The following IFNAR2 variants were observed in gnomAD, a reference collection of about 807,000 sequenced individuals.
The protein encoded by IFNAR2 is interferon alpha/beta receptor 2.
In IFNAR2, 30 loss-of-function variants were observed where a neutral mutation model predicts 49.4. That is an observed-to-expected ratio of 0.61 (90% CI 0.45 to 0.82). IFNAR2 has a LOEUF of 0.82. IFNAR2 is among the 40% of genes least tolerant of loss of function. The probability of loss-of-function intolerance (pLI) is 0.00; values close to 1 mark genes in which losing one functional copy is unlikely to be tolerated. For missense variants in IFNAR2, 600 were observed against 622.7 expected, an observed-to-expected ratio of 0.96 and a Z score of 0.39; for synonymous variants, 224 against 234.5, an observed-to-expected ratio of 0.96 and a Z score of 0.41.
At position 33,254,676 on chromosome 21, in the gene IFNAR2, T is replaced by A. The variant is rs544131170; in HGVS notation, c.709+1846T>A. On this transcript the variant is annotated intron_variant, in intron 7 of 8. Transcript: ENST00000342136. The stretch of plus-strand genomic sequence containing the variant: ...ATGCTTCCTTTTATTAATTCCAAGT[T>A]TTTAATCAGAAAATCTTTGAATCTA... Among the ~76,000 whole-genome samples, 4 of 152,296 alleles carry A rather than the reference T, an allele frequency of 2.6e-5. No individual in the cohort carries two copies. In the South Asian group the frequency reaches 8.3e-4, roughly 32 times the overall value.
rs1988841241 is a variant in IFNAR2 at position 33,264,396 on chromosome 21, T to C, written c.*896T>C. ...CTCCTGCAATTGGAATTCCACCTTG[T>C]CCAGCCCTCCCCAGTTAAAGTGGGG... On this transcript the variant is annotated 3_prime_UTR_variant, in exon 9 of 9. Transcript: ENST00000342136. The C allele has an allele frequency of 6.6e-6, 1 of 151,844 alleles. No individual in the cohort carries two copies. The highest frequency in any genetic ancestry group is 2.4e-5 in the African/African-American group (1 of 41,290). The allele number at this position is 151,844 out of a possible 1,614,324, so 9.4% of individuals were successfully genotyped here. A position where few individuals can be genotyped will look rare whatever the true frequency, so the allele number is the denominator to read the frequency against.
intron 4 of IFNAR2, among the ~76,000 whole-genome samples, chr21:33,246,321 T>C (rs1037535689): frequency 8.5e-5 from 13 of 152,106 alleles, no homozygotes; most frequent in African/African-American, 2.2e-4. Flanking sequence ...CCGCCCGCCT[T>C]GGCCTCCCAA....
rs533367043 is a variant in IFNAR2, at chr21:33,232,290, G to A, written c.-84+2074G>A. ...CTTCCTTTGGAAGAATGAAACTGGG[G>A]GCTATGCAATTCAGGGAAGAATAAA... is the stretch of plus-strand genomic sequence containing the variant. On this transcript the variant is annotated intron_variant, in intron 1 of 8. Transcript: ENST00000342136. 3.3e-5 allele frequency among the ~76,000 whole-genome samples: 5 copies of A among 152,280 alleles called. No homozygotes were observed. In the South Asian group the frequency reaches 1.0e-3, roughly 32 times the overall value.
chr21:33,237,697 G>T (rs1309053869), intron 1 of IFNAR2, among the ~76,000 whole-genome samples: 1 of 152,104 alleles, frequency 6.6e-6, no homozygotes, highest in Non-Finnish European at 1.5e-5. Flanking sequence ...TATGGGATTA[G>T]TTCCAGGCAG....
chr21:33,260,840 C>A, intron 8 of IFNAR2, 113 bp downstream of exon 8: 1 of 620,480 alleles, frequency 1.6e-6, no homozygotes, highest in South Asian at 3.1e-5. Context: ...TTTCTATAAA[C>A]ACCAAAATGC....
In IFNAR2 at chr21:33,252,670, C is replaced by G. The variant is rs575467131; in HGVS notation, c.549C>G (p.Pro183=). ...TTTGCTTATGTTTACAGCATAAACC[C>G]GAAATAAAAGGAAACATGAGTGGAA... ...QSEGIVKKHK[P]EIKGNMSGNF... Residue 183 remains proline, a synonymous_variant, in exon 7 of 9, where the codon CCC becomes CCG. Coordinates refer to ENST00000342136, the MANE Select transcript of IFNAR2 (RefSeq NM_001289125.3). 6.2e-7 allele frequency: 1 copy of G among 1,612,904 alleles called. No individual in the cohort carries two copies. Among genetic ancestry groups the G allele is most frequent in the Non-Finnish European group, 8.5e-7 (1 of 1,179,612 alleles).
chr21:33,264,417 T>G lies in IFNAR2; in HGVS notation c.*917T>G, dbSNP rs1250935127. 1 of 150,768 alleles carries G rather than the reference T, an allele frequency of 6.6e-6. No individual in the cohort carries two copies. The highest frequency in any genetic ancestry group is 2.1e-4 in the South Asian group (1 of 4,740). 9.3% of individuals were successfully genotyped at this position (150,768 alleles called of 1,614,324 possible). A position where few individuals can be genotyped will look rare whatever the true frequency, so the allele number is the denominator to read the frequency against. ...CTTGTCCAGCCCTCCCCAGTTAAAG[T>G]GGGGAAGACAGACTTTAGGATCACG... is the stretch of plus-strand genomic sequence containing the variant. On this transcript the variant is annotated 3_prime_UTR_variant, in exon 9 of 9. Coordinates refer to ENST00000342136, the MANE Select transcript of IFNAR2 (RefSeq NM_001289125.3).
At chr21:33,238,716 GT>G (rs1986676711) in intron 1 of IFNAR2, among the ~76,000 whole-genome samples, 1 of 150,952 alleles carries the variant, frequency 6.6e-6, no homozygotes, top group African/African-American at 2.4e-5. Context: ...CAAAGGGCAA[GT>G]GACAAACTGG....
chr21:33,237,110 T>TG (rs1439441197), intron 1 of IFNAR2, among the ~76,000 whole-genome samples: 2 of 148,508 alleles, frequency 1.3e-5, no homozygotes, highest in South Asian at 2.1e-4. Context: ...TGTGTGTGTG[T>TG]TTTCTCGGCT....
chr21:33,250,697 C>G (rs1290600474), intron 6 of IFNAR2, among the ~76,000 whole-genome samples: 2 of 152,032 alleles, frequency 1.3e-5, no homozygotes, highest in Non-Finnish European at 2.9e-5. Context: ...GCCAGCACAC[C>G]CAGATAATTT....
chr21:33,262,234 G>A (rs1466095530), intron 8 of IFNAR2, among the ~76,000 whole-genome samples: 2 of 151,588 alleles, frequency 1.3e-5, no homozygotes, highest in Non-Finnish European at 2.9e-5. Context: ...GCATAGTGGC[G>A]GGCGCCTGTA....
chr21:33,263,877 C>CA lies in IFNAR2; in HGVS notation c.*378dup, dbSNP rs1988809285. 22 of 150,236 alleles carry CA rather than the reference C, an allele frequency of 1.5e-4. No homozygotes were observed. The South Asian group carries it at 3.5e-3, about 24-fold the overall frequency. The allele number at this position is 150,236 out of a possible 1,614,324, so 9.3% of individuals were successfully genotyped here. On this transcript the variant is annotated 3_prime_UTR_variant, in exon 9 of 9. Coordinates refer to ENST00000342136, the MANE Select transcript of IFNAR2 (RefSeq NM_001289125.3). The stretch of plus-strand genomic sequence containing the variant: ...TTCTTTTTTTTTTTTTTTTTTGAGA[C>CA]AGAGTCTCGTTCTGTCGCCCAAGCT...
chr21:33,252,855 G>A (rs1310773478), intron 7 of IFNAR2, 25 bp downstream of exon 7: 1 of 1,574,006 alleles, frequency 6.4e-7, no homozygotes, highest in East Asian at 2.2e-5. Flanking sequence ...TTAAATTCAT[G>A]TTTTGAGTAT....
At chr21:33,239,015 G>T (rs17860160) in intron 1 of IFNAR2, among the ~76,000 whole-genome samples, 17,596 of 152,254 alleles carry the variant, frequency 0.12, 1,390 homozygotes, top group Non-Finnish European at 0.18. Context: ...AGAAGCAACG[G>T]TAGGGAAACG....
chr21:33,243,088 A>AT (rs772835653), intron 2 of IFNAR2, among the ~76,000 whole-genome samples: 2,254 of 127,052 alleles, frequency 0.018, 48 homozygotes, highest in African/African-American at 0.056. Context: ...GTGTCCAGCC[A>AT]TTTTTTTTTT....
Position 33,248,737 on chromosome 21 carries a change from TG to T in IFNAR2, c.424del (p.Val142LeufsTer9). 1 of 1,610,276 alleles carries T rather than the reference TG, an allele frequency of 6.2e-7. No individual in the cohort carries two copies. The highest frequency in any genetic ancestry group is 8.5e-7 in the Non-Finnish European group (1 of 1,178,724). ...CTTTTGAACCACCAGAGTTTGAGAT[TG>T]TTGGTTTTACCAACCACATTAATGT... ...MSFEPPEFEI[V>X]GFTNHINVMV... On this transcript the variant is annotated frameshift_variant, in exon 6 of 9. Transcript: ENST00000342136. LOFTEE classifies it high-confidence loss of function.
Position 33,263,098 on chromosome 21 carries a change from G to A in IFNAR2, c.1146G>A (p.Lys382=), listed in dbSNP as rs2123542692. 2.5e-6 allele frequency: 4 copies of A among 1,614,180 alleles called. No individual in the cohort carries two copies. The highest frequency in any genetic ancestry group is 3.4e-6 in the Non-Finnish European group (4 of 1,180,034). The change falls in exon 9 of 9, where the codon AAG becomes AAA. Residue 382 remains lysine (K), a synonymous_variant. Transcript: ENST00000342136. The stretch of plus-strand genomic sequence containing the variant: ...ATGTGGAGCTCCCCACGATGCCAAA[G>A]GACAGCCCTCAGCAGTTGGAACTCT... ...EVDVELPTMP[K]DSPQQLELLS...
intron 8 of IFNAR2, 35 bp downstream of exon 8, chr21:33,260,762 A>G (rs1988514593): frequency 1.5e-6 from 2 of 1,352,924 alleles, no homozygotes; most frequent in Non-Finnish European, 9.9e-7. Context: ...TGTTTTTTCT[A>G]TCTTTGTTTT....
chr21:33,246,099 C>G (rs557685242), intron 4 of IFNAR2, among the ~76,000 whole-genome samples: 12 of 148,532 alleles, frequency 8.1e-5, no homozygotes, highest in Non-Finnish European at 1.8e-4. Flanking sequence ...GAGACGGAGT[C>G]TCACTGTGTC....
Sources: gnomAD v4.1 joint callset for allele counts (sites outside exome capture counted in the v4.1 genomes callset) on GRCh38, gnomAD v4.1.1 for gene constraint, MANE v1.5 for transcripts, NCBI Gene and HGNC (gene_info 2026-07-23, HGNC 2026-07-21) for gene names.